Variants in NECAB1 observed in about 807,000 individuals in gnomAD.
NECAB1 encodes N-terminal EF-hand calcium-binding protein 1.
Under a neutral mutation model 57.5 loss-of-function variants are expected in NECAB1, and 29 were observed. The observed-to-expected ratio is 0.50, with a 90% CI of 0.38 to 0.69. NECAB1 has a LOEUF of 0.69. NECAB1 is among the 30% of genes least tolerant of loss of function. NECAB1 has a pLI of 0.00. For synonymous variants in NECAB1, 142 were observed against 147.7 expected, an observed-to-expected ratio of 0.96 and a Z score of 0.28; for missense variants, 372 against 413.8, an observed-to-expected ratio of 0.90 and a Z score of 0.88.
intron 2 of NECAB1, among the ~76,000 whole-genome samples, chr8:90,820,404 T>C (rs191351906): frequency 6.6e-6 from 1 of 152,120 alleles, no homozygotes; most frequent in Non-Finnish European, 1.5e-5. Context: ...AATTCAGTAA[T>C]AATTTCTATG....
chr8:90,829,870 A>G (rs1812277101), intron 3 of NECAB1, among the ~76,000 whole-genome samples: 1 of 152,072 alleles, frequency 6.6e-6, no homozygotes, highest in Non-Finnish European at 1.5e-5. Context: ...ATATTTTATG[A>G]CAAGTCTTTC....
At chr8:90,865,218 T>A (rs1808491244) in intron 3 of NECAB1, among the ~76,000 whole-genome samples, 1 of 151,876 alleles carries the variant, frequency 6.6e-6, no homozygotes, top group Admixed American at 6.6e-5. Flanking sequence ...TTGAGAAAAA[T>A]AAGATGATAT....
intron 3 of NECAB1, among the ~76,000 whole-genome samples, chr8:90,849,796 C>T (rs1812648919): frequency 6.7e-6 from 1 of 150,050 alleles, no homozygotes; most frequent in Non-Finnish European, 1.5e-5. Context: ...CAGGTTCACG[C>T]CATTCTCCTG....
chr8:90,933,743 T>G (rs1057466858), intron 8 of NECAB1, among the ~76,000 whole-genome samples: 14 of 152,210 alleles, frequency 9.2e-5, no homozygotes, highest in Admixed American at 8.5e-4. Flanking sequence ...AAAAAAAACT[T>G]TTTTTTAAGA....
chr8:90,805,502 T>G (rs1454663575), intron 2 of NECAB1, among the ~76,000 whole-genome samples: 1 of 151,570 alleles, frequency 6.6e-6, no homozygotes. Context: ...GGAGAGATTT[T>G]TTTGGTTGGT....
At chr8:90,845,553 G>T (rs12114104) in intron 3 of NECAB1, among the ~76,000 whole-genome samples, 20,878 of 152,046 alleles carry the variant, frequency 0.14, 2,586 homozygotes, top group African/African-American at 0.33. Context: ...GTAGGTATTG[G>T]TTCATCTCCC....
At chr8:90,834,671 A>G (rs182902475) in intron 3 of NECAB1, among the ~76,000 whole-genome samples, 1 of 152,322 alleles carries the variant, frequency 6.6e-6, no homozygotes, top group East Asian at 1.9e-4. Flanking sequence ...CACAAACCAA[A>G]TAATATAAAC....
At chr8:90,864,088 C>T (rs558613664) in intron 3 of NECAB1, among the ~76,000 whole-genome samples, 1 of 152,146 alleles carries the variant, frequency 6.6e-6, no homozygotes, top group East Asian at 1.9e-4. Context: ...ATTGCTACAA[C>T]ATCCAAGCAC....
At chr8:90,811,801 C>T (rs1811965008) in intron 2 of NECAB1, among the ~76,000 whole-genome samples, 1 of 152,122 alleles carries the variant, frequency 6.6e-6, no homozygotes, top group Non-Finnish European at 1.5e-5. Context: ...TTCAACAGGT[C>T]AGAATAAAGA....
intron 5 of NECAB1, among the ~76,000 whole-genome samples, chr8:90,892,203 A>T (rs1309408255): frequency 6.6e-6 from 1 of 152,126 alleles, no homozygotes; most frequent in Non-Finnish European, 1.5e-5. Flanking sequence ...GTTTTTCTAT[A>T]TTACTTTGAA....
chr8:90,793,194 G>A (rs929013092), intron 1 of NECAB1, among the ~76,000 whole-genome samples: 5 of 152,144 alleles, frequency 3.3e-5, no homozygotes, highest in Non-Finnish European at 7.4e-5. Flanking sequence ...GATGTGAGGC[G>A]CTCTCCCAAG....
Position 90,851,339 on chromosome 8 carries a change from G to A in NECAB1, c.234-20789G>A, listed in dbSNP as rs571127436. ...CTGAGGAGGGAGTGCGGGATCCTCC[G>A]GACAGGACAGAAGTTGTGGGAAACC... On this transcript the variant is annotated intron_variant, in intron 3 of 12. Transcript: ENST00000417640. 5.9e-5 allele frequency among the ~76,000 whole-genome samples: 9 copies of A among 152,230 alleles called. No individual in the cohort carries two copies. In the South Asian group the frequency reaches 8.3e-4, roughly 14 times the overall value.
intron 5 of NECAB1, among the ~76,000 whole-genome samples, chr8:90,886,211 A>C (rs937470577): frequency 2.6e-5 from 4 of 152,180 alleles, no homozygotes; most frequent in Admixed American, 6.5e-5. Flanking sequence ...AGCTGAGAGA[A>C]GTAAGCAAAA....
intron 12 of NECAB1, among the ~76,000 whole-genome samples, chr8:90,952,790 TAATAAAATTAAAATAA>T (rs1358870932): frequency 2.3e-3 from 199 of 88,206 alleles, no homozygotes; most frequent in African/African-American, 0.017. Context: ...AAAACAATAA[TAATAAAATTAAAATAA>T]AATAAAATAA....
rs1812881674 is a variant in NECAB1, at chr8:90,860,468, G to A, written c.234-11660G>A. On this transcript the variant is annotated intron_variant, in intron 3 of 12. Transcript: ENST00000417640. ...ATGAAGATAACAGATGTATTTATCA[G>A]CTAAATAACAATACAAGGTTGTGCT... Among the ~76,000 whole-genome samples the A allele has an allele frequency of 1.3e-5, 2 of 152,078 alleles. 1 individual carries two copies. Among genetic ancestry groups the A allele is most frequent in the South Asian group, 4.1e-4 (2 of 4,820 alleles).
At chr8:90,793,040 C>G (rs1374246933) in intron 1 of NECAB1, among the ~76,000 whole-genome samples, 4 of 152,196 alleles carry the variant, frequency 2.6e-5, no homozygotes, top group Middle Eastern at 3.4e-3. Flanking sequence ...TGTCCTTTAC[C>G]CTTCTCTGAG....
intron 2 of NECAB1, among the ~76,000 whole-genome samples, chr8:90,805,957 G>C (rs953327205): frequency 6.6e-6 from 1 of 152,046 alleles, no homozygotes; most frequent in East Asian, 1.9e-4. Context: ...CCCAGCCCAT[G>C]GCACCCACTA....
chr8:90,919,608 G>C (rs1032946685), intron 6 of NECAB1, among the ~76,000 whole-genome samples: 1 of 152,132 alleles, frequency 6.6e-6, no homozygotes, highest in Non-Finnish European at 1.5e-5. Context: ...TCACTGCGTT[G>C]GGTGATTCTA....
intron 7 of NECAB1, among the ~76,000 whole-genome samples, chr8:90,927,965 G>A (rs1287595943): frequency 2.0e-5 from 3 of 151,062 alleles, no homozygotes; most frequent in Non-Finnish European, 4.4e-5. Flanking sequence ...AAATGGCTCA[G>A]CAGGATCTTT....
Sources: gnomAD v4.1 joint callset for allele counts (sites outside exome capture counted in the v4.1 genomes callset) on GRCh38, gnomAD v4.1.1 for gene constraint, MANE v1.5 for transcripts, NCBI Gene and HGNC (gene_info 2026-07-23, HGNC 2026-07-21) for gene names.